The following ARB2A variants were observed in gnomAD, a reference collection of about 807,000 sequenced individuals.
ARB2A encodes the protein ARB2 cotranscriptional regulator A, also known as cotranscriptional regulator ARB2A.
At chr5:93,900,613 C>CAA in the ARB2A span, among the ~76,000 whole-genome samples, 8 of 65,350 alleles carry the variant, frequency 1.2e-4, no homozygotes, top group East Asian at 2.1e-3. Flanking sequence ...GACGCTGTCT[C>CAA]AAAAAAAAAA....
At chr5:93,656,255 A>G in the ARB2A span, among the ~76,000 whole-genome samples, 1 of 152,220 alleles carries the variant, frequency 6.6e-6, no homozygotes, top group African/African-American at 2.4e-5. Flanking sequence ...AAATTTTAAA[A>G]TTTCAAAATT....
the ARB2A span, among the ~76,000 whole-genome samples, chr5:93,641,027 C>T: frequency 1.3e-5 from 2 of 151,680 alleles, no homozygotes; most frequent in Non-Finnish European, 2.9e-5. Context: ...TGGTGAAACC[C>T]CATCTCTACT....
chr5:94,048,184 A>G, the ARB2A span, among the ~76,000 whole-genome samples: 1 of 150,746 alleles, frequency 6.6e-6, no homozygotes, highest in African/African-American at 2.4e-5. Context: ...CCTCCTGAGT[A>G]GCTGGGATTA....
the ARB2A span, among the ~76,000 whole-genome samples, chr5:93,829,583 CA>C: frequency 1.3e-5 from 2 of 152,112 alleles, no homozygotes; most frequent in Non-Finnish European, 2.9e-5. Flanking sequence ...TCTTCTTGTT[CA>C]TTAAATCTTA....
At chr5:93,833,986 C>A in the ARB2A span, among the ~76,000 whole-genome samples, 1 of 152,262 alleles carries the variant, frequency 6.6e-6, no homozygotes, top group Admixed American at 6.5e-5. Context: ...TTGCCCCCTA[C>A]TTCTCTCCCA....
chr5:94,054,120 G>C, the ARB2A span, among the ~76,000 whole-genome samples: 1 of 152,174 alleles, frequency 6.6e-6, no homozygotes, highest in Admixed American at 6.5e-5. Flanking sequence ...AGTACGAAGA[G>C]TGTGTTATAC....
chr5:93,819,056 C>T, the ARB2A span, among the ~76,000 whole-genome samples: 2 of 151,060 alleles, frequency 1.3e-5, no homozygotes, highest in African/African-American at 2.4e-5. Context: ...CATGGTGGCG[C>T]GTGCCTGTAG....
chr5:93,960,491 G>C, the ARB2A span, among the ~76,000 whole-genome samples: 12 of 152,072 alleles, frequency 7.9e-5, no homozygotes, highest in Non-Finnish European at 1.8e-4. Context: ...TAGAACGTAA[G>C]TCCAGGCAGG....
the ARB2A span, among the ~76,000 whole-genome samples, chr5:94,069,368 C>G: frequency 1.1e-4 from 16 of 152,236 alleles, no homozygotes; most frequent in African/African-American, 3.6e-4. Context: ...TTTCAGGACA[C>G]TGGTCTAGGC....
At chr5:93,875,255 G>A in the ARB2A span, among the ~76,000 whole-genome samples, 2 of 151,198 alleles carry the variant, frequency 1.3e-5, no homozygotes, top group African/African-American at 4.9e-5. Context: ...TTTTTGAGAC[G>A]GAGTCTCACT....
At chr5:93,652,737 T>C in the ARB2A span, among the ~76,000 whole-genome samples, 1 of 152,208 alleles carries the variant, frequency 6.6e-6, no homozygotes, top group Non-Finnish European at 1.5e-5. Flanking sequence ...GATGTGCTGA[T>C]GTACACTATG....
chr5:94,022,445 C>T, the ARB2A span, among the ~76,000 whole-genome samples: 3 of 152,150 alleles, frequency 2.0e-5, no homozygotes, highest in African/African-American at 7.2e-5. Context: ...AAAGGCTCTG[C>T]ACATAGCTGG....
At chr5:93,763,119 T>A in the ARB2A span, among the ~76,000 whole-genome samples, 1 of 150,124 alleles carries the variant, frequency 6.7e-6, no homozygotes, top group Non-Finnish European at 1.5e-5. Flanking sequence ...CCATCGAGAC[T>A]AGGAAGAAAC....
chr5:94,085,650 T>G, the ARB2A span, among the ~76,000 whole-genome samples: 2 of 152,164 alleles, frequency 1.3e-5, no homozygotes, highest in African/African-American at 4.8e-5. Flanking sequence ...TGGTAGAAGT[T>G]TATACAAAGG....
chr5:94,051,206 T>A, the ARB2A span, among the ~76,000 whole-genome samples: 1 of 152,184 alleles, frequency 6.6e-6, no homozygotes, highest in African/African-American at 2.4e-5. Context: ...AAGCAACTTT[T>A]CAGGAAGCTA....
At chr5:94,069,087 T>TAGAC in the ARB2A span, among the ~76,000 whole-genome samples, 5,433 of 151,358 alleles carry the variant, frequency 0.036, 174 homozygotes, top group Middle Eastern at 0.058. Flanking sequence ...GATAGATAGA[T>TAGAC]AGACTAATGG....
the ARB2A span, among the ~76,000 whole-genome samples, chr5:94,036,964 C>T: frequency 6.6e-6 from 1 of 152,112 alleles, no homozygotes; most frequent in East Asian, 1.9e-4. Context: ...TTCTGGTGTA[C>T]ACAGTGATGA....
the ARB2A span, among the ~76,000 whole-genome samples, chr5:94,096,389 C>T: frequency 6.6e-6 from 1 of 152,130 alleles, no homozygotes; most frequent in Non-Finnish European, 1.5e-5. Flanking sequence ...TTTTTTAATA[C>T]AAATAGTGTG....
chr5:93,785,644 A>G, the ARB2A span, among the ~76,000 whole-genome samples: 7 of 152,024 alleles, frequency 4.6e-5, no homozygotes, highest in Non-Finnish European at 1.0e-4. Context: ...AATGAATACT[A>G]CCTAATGGGA....
Sources: gnomAD v4.1 joint callset for allele counts (sites outside exome capture counted in the v4.1 genomes callset) on GRCh38, gnomAD v4.1.1 for gene constraint, MANE v1.5 for transcripts, NCBI Gene and HGNC (gene_info 2026-07-23, HGNC 2026-07-21) for gene names.